PLA2R1: variants seen among roughly 807,000 people sequenced by gnomAD.
The protein encoded by PLA2R1 is secretory phospholipase A2 receptor.
A neutral mutation model predicts 195.9 loss-of-function variants in PLA2R1; 158 were observed. That is an observed-to-expected ratio of 0.81 (90% CI 0.71 to 0.92). The LOEUF (loss-of-function observed/expected upper bound fraction) is 0.92. PLA2R1 is among the 40% of genes least tolerant of loss of function. PLA2R1 has a pLI of 0.00. For synonymous variants in PLA2R1, 586 were observed against 598.2 expected, an observed-to-expected ratio of 0.98 and a Z score of 0.30; for missense variants, 1,626 against 1,764.6, an observed-to-expected ratio of 0.92 and a Z score of 1.41.
At position 159,933,366 on chromosome 2, in the gene PLA2R1, T is replaced by C. The variant is rs1300014804; in HGVS notation, c.*8412A>G. On this transcript the variant is annotated 3_prime_UTR_variant, in exon 30 of 30. Coordinates refer to ENST00000283243, the MANE Select transcript of PLA2R1 (RefSeq NM_007366.5). ...TTAGGCACATTTTAAACTTTTTCTCTAAAAATATTCTGACCCCAAGCTAAA... is the reference window on the plus strand; with the variant it reads ...TTAGGCACATTTTAAACTTTTTCTCCAAAAATATTCTGACCCCAAGCTAAA... 6.6e-6 allele frequency: 1 copy of C among 152,198 alleles called. No individual in the cohort carries two copies. Among genetic ancestry groups the C allele is most frequent in the Non-Finnish European group, 1.5e-5 (1 of 68,036 alleles). The allele number at this position is 152,198 out of a possible 1,614,324, so 9.4% of individuals were successfully genotyped here.
At chr2:160,010,944 T>C (rs1178318299) in intron 10 of PLA2R1, among the ~76,000 whole-genome samples, 1 of 152,086 alleles carries the variant, frequency 6.6e-6, no homozygotes, top group East Asian at 1.9e-4. Flanking sequence ...CCTCAGGGCT[T>C]GGCGGGTGAC....
intron 28 of PLA2R1, among the ~76,000 whole-genome samples, chr2:159,943,501 AGT>A (rs1687203763): frequency 6.6e-6 from 1 of 152,152 alleles, no homozygotes; most frequent in African/African-American, 2.4e-5. Context: ...GACTGTTAAG[AGT>A]GTTTGTTCTC....
chr2:160,021,544 C>T (rs1283815957), intron 7 of PLA2R1, among the ~76,000 whole-genome samples: 4 of 152,150 alleles, frequency 2.6e-5, no homozygotes, highest in East Asian at 1.9e-4. Context: ...TCAAATACTG[C>T]GTGTTCTTAC....
chr2:159,986,995 A>G (rs1690391102), intron 12 of PLA2R1, among the ~76,000 whole-genome samples, 161 bp downstream of exon 12: 1 of 152,164 alleles, frequency 6.6e-6, no homozygotes, highest in African/African-American at 2.4e-5. Context: ...AATATGATTG[A>G]AAGGATAGAG....
chr2:159,961,735 T>C (rs1212640341), intron 20 of PLA2R1, among the ~76,000 whole-genome samples: 2 of 152,108 alleles, frequency 1.3e-5, no homozygotes, highest in Non-Finnish European at 2.9e-5. Flanking sequence ...ACCATTCCCA[T>C]AGATACACAC....
intron 20 of PLA2R1, among the ~76,000 whole-genome samples, chr2:159,966,627 T>C (rs532719326): frequency 6.6e-6 from 1 of 152,278 alleles, no homozygotes; most frequent in Admixed American, 6.5e-5. Context: ...CCAAGTGGCC[T>C]CATTTCTCAA....
the PLA2R1 span, among the ~76,000 whole-genome samples, chr2:159,926,694 G>A: frequency 2.7e-4 from 41 of 152,306 alleles, no homozygotes; most frequent in African/African-American, 9.9e-4. Context: ...ACTGGAGAGA[G>A]TTTAATAAAG....
In PLA2R1 at chr2:159,940,866, T is replaced by G. The variant is rs1391934530; in HGVS notation, c.*912A>C. 6.6e-6 allele frequency: 1 copy of G among 152,210 alleles called. No individual in the cohort carries two copies. Among genetic ancestry groups the G allele is most frequent in the Non-Finnish European group, 1.5e-5 (1 of 68,028 alleles). The allele number at this position is 152,210 out of a possible 1,614,324, so 9.4% of individuals were successfully genotyped here. On this transcript the variant is annotated 3_prime_UTR_variant, in exon 30 of 30. Transcript: ENST00000283243. Reference sequence around the variant, plus strand: ...CTGTCTGGTTCTAATGAGACTATAATTCAGATCTTTAGCTCTTCTCCTTTA... The same window carrying G: ...CTGTCTGGTTCTAATGAGACTATAAGTCAGATCTTTAGCTCTTCTCCTTTA...
At position 160,032,223 on chromosome 2, in the gene PLA2R1, T is replaced by C. The variant is rs531580006; in HGVS notation, c.841+736A>G. Among the ~76,000 whole-genome samples the C allele has an allele frequency of 5.9e-4, 90 of 152,354 alleles. 2 individuals are homozygous for C. In the South Asian group the frequency reaches 0.017, roughly 29 times the overall value. On this transcript the variant is annotated intron_variant, in intron 4 of 29. Coordinates refer to ENST00000283243, the MANE Select transcript of PLA2R1 (RefSeq NM_007366.5). ...TTCTATATACCTGAATTTTACAAATTATTCTAAAATAAACATGGACTACAT... is the reference window on the plus strand; with the variant it reads ...TTCTATATACCTGAATTTTACAAATCATTCTAAAATAAACATGGACTACAT...
chr2:160,015,627 C>G (rs1692683814), intron 9 of PLA2R1, among the ~76,000 whole-genome samples: 1 of 152,142 alleles, frequency 6.6e-6, no homozygotes, highest in African/African-American at 2.4e-5. Context: ...CGCCCCTGCC[C>G]CGTCTTCAAT....
intron 11 of PLA2R1, among the ~76,000 whole-genome samples, chr2:160,003,954 GA>G (rs1691787415): frequency 6.6e-6 from 1 of 152,088 alleles, no homozygotes; most frequent in East Asian, 1.9e-4. Context: ...ATTGCTAAGT[GA>G]AAAAAATCAA....
chr2:159,926,064 G>A, the PLA2R1 span, among the ~76,000 whole-genome samples: 5 of 152,292 alleles, frequency 3.3e-5, no homozygotes, highest in East Asian at 1.9e-4. Context: ...TTGATCAAAC[G>A]TAAAAAGCTT....
chr2:160,033,288 T>C (rs1411992452), intron 3 of PLA2R1, among the ~76,000 whole-genome samples, 156 bp from the exon 4 acceptor site: 1 of 152,244 alleles, frequency 6.6e-6, no homozygotes, highest in Non-Finnish European at 1.5e-5. Context: ...AAAATCTGCA[T>C]TGTTATTCCA....
chr2:159,947,375 G>C (rs763088867), intron 26 of PLA2R1, 44 bp downstream of exon 26: 1 of 1,539,518 alleles, frequency 6.5e-7, no homozygotes, highest in South Asian at 1.2e-5. Flanking sequence ...GAAATGGCAA[G>C]AAGGAGCACA....
At chr2:159,966,418 C>T (rs977697493) in intron 20 of PLA2R1, among the ~76,000 whole-genome samples, 7 of 152,100 alleles carry the variant, frequency 4.6e-5, no homozygotes, top group African/African-American at 1.7e-4. Context: ...TTAATGGGTA[C>T]AGTTTCAGTT....
chr2:159,936,005 G>A lies in PLA2R1; in HGVS notation c.*5773C>T, dbSNP rs1401272533. On this transcript the variant is annotated 3_prime_UTR_variant, in exon 30 of 30. Transcript: ENST00000283243. ...CTCGCTCTGTCGCCCAGGCTGGAGTGCAGTGGCGCCATCTCGGCTCACTGT... is the reference window on the plus strand; with the variant it reads ...CTCGCTCTGTCGCCCAGGCTGGAGTACAGTGGCGCCATCTCGGCTCACTGT... 2.9e-5 allele frequency: 4 copies of A among 139,132 alleles called. No homozygotes were observed. Among genetic ancestry groups the A allele is most frequent in the African/African-American group, 1.1e-4 (4 of 36,108 alleles). 8.6% of individuals were successfully genotyped at this position (139,132 alleles called of 1,614,324 possible).
Position 160,016,349 on chromosome 2 carries a change from G to A in PLA2R1, c.1551+265C>T, listed in dbSNP as rs147005850. Among the ~76,000 whole-genome samples, 851 of 151,820 alleles carry A rather than the reference G, an allele frequency of 5.6e-3. 1 individual carries two copies. The highest frequency in any genetic ancestry group is 0.01 in the Non-Finnish European group (680 of 67,950). On this transcript the variant is annotated intron_variant, in intron 9 of 29. Coordinates refer to ENST00000283243, the MANE Select transcript of PLA2R1 (RefSeq NM_007366.5). ...ACAGGGCATCACACATCACAGGATAGTCACTGTACAGATGCTGTATCAGGA... is the reference window on the plus strand; with the variant it reads ...ACAGGGCATCACACATCACAGGATAATCACTGTACAGATGCTGTATCAGGA...
At chr2:159,945,661 G>A (rs569186189) in intron 27 of PLA2R1, among the ~76,000 whole-genome samples, 13 of 152,262 alleles carry the variant, frequency 8.5e-5, no homozygotes, top group Non-Finnish European at 1.5e-4. Context: ...ATAAACATAC[G>A]TGTGTATGTG....
chr2:159,976,594 G>A, intron 16 of PLA2R1, 91 bp downstream of exon 16: 1 of 814,594 alleles, frequency 1.2e-6, no homozygotes. Flanking sequence ...CTCGATTTGA[G>A]AAATGTAACA....
Sources: gnomAD v4.1 joint callset for allele counts (sites outside exome capture counted in the v4.1 genomes callset) on GRCh38, gnomAD v4.1.1 for gene constraint, MANE v1.5 for transcripts, NCBI Gene and HGNC (gene_info 2026-07-23, HGNC 2026-07-21) for gene names.